GRXCR1: variants seen among roughly 807,000 people sequenced by gnomAD.
The protein encoded by GRXCR1 is glutaredoxin domain-containing cysteine-rich protein 1.
In GRXCR1, 27 loss-of-function variants were observed where a neutral mutation model predicts 27.3. That is an observed-to-expected ratio of 0.99 (90% CI 0.73 to 1.37). The LOEUF (loss-of-function observed/expected upper bound fraction) is 1.37. Among genes scored for constraint, GRXCR1 ranks in the 40% most tolerant of loss-of-function variants. The pLI is 0.00. For synonymous variants in GRXCR1, 122 were observed against 131.1 expected, an observed-to-expected ratio of 0.93 and a Z score of 0.47; for missense variants, 379 against 354.4, an observed-to-expected ratio of 1.07 and a Z score of -0.56.
At chr4:43,006,649 G>T (rs560102959) in intron 2 of GRXCR1, among the ~76,000 whole-genome samples, 1 of 152,170 alleles carries the variant, frequency 6.6e-6, no homozygotes, top group South Asian at 2.1e-4. Flanking sequence ...AATGGTGCCC[G>T]AAACTTCATT....
intron 2 of GRXCR1, among the ~76,000 whole-genome samples, chr4:43,004,529 T>C (rs1712490203): frequency 6.6e-6 from 1 of 152,164 alleles, no homozygotes; most frequent in African/African-American, 2.4e-5. Flanking sequence ...GCCCATGAAA[T>C]CATCTGTGGG....
intron 1 of GRXCR1, among the ~76,000 whole-genome samples, chr4:42,957,578 C>T (rs937018186): frequency 6.6e-6 from 1 of 151,808 alleles, no homozygotes; most frequent in Non-Finnish European, 1.5e-5. Flanking sequence ...TTCTTTGAGG[C>T]TATTTTGTAG....
At chr4:42,972,410 G>A (rs559075603) in intron 2 of GRXCR1, among the ~76,000 whole-genome samples, 21 of 152,218 alleles carry the variant, frequency 1.4e-4, no homozygotes, top group Non-Finnish European at 2.2e-4. Context: ...TTAAAGCCAC[G>A]AAGTGTTTGT....
intron 1 of GRXCR1, among the ~76,000 whole-genome samples, chr4:42,909,733 C>A (rs1458075763): frequency 6.6e-6 from 1 of 152,144 alleles, no homozygotes; most frequent in Non-Finnish European, 1.5e-5. Flanking sequence ...TGTTCATCAT[C>A]CAATTGTAAC....
chr4:43,003,030 C>G (rs1712427193), intron 2 of GRXCR1, among the ~76,000 whole-genome samples: 2 of 152,266 alleles, frequency 1.3e-5, no homozygotes, highest in African/African-American at 4.8e-5. Context: ...GGCATTCCAG[C>G]CCTTCCCCTG....
chr4:42,946,080 G>T (rs984294875), intron 1 of GRXCR1, among the ~76,000 whole-genome samples: 1 of 152,062 alleles, frequency 6.6e-6, no homozygotes, highest in African/African-American at 2.4e-5. Flanking sequence ...CTTTTGGCCT[G>T]GCAATGTAGT....
intron 2 of GRXCR1, among the ~76,000 whole-genome samples, chr4:42,982,055 CTT>C (rs200126018): frequency 6.8e-6 from 1 of 146,104 alleles, no homozygotes. Context: ...CTTTCTCCTT[CTT>C]TTTTTTTTTT....
At position 43,030,158 on chromosome 4, in the gene GRXCR1, T is replaced by G. The variant is rs548922637; in HGVS notation, c.694-203T>G. Among the ~76,000 whole-genome samples, 28 of 152,298 alleles carry G rather than the reference T, an allele frequency of 1.8e-4. No homozygotes were observed. The South Asian group carries it at 5.8e-3, about 32-fold the overall frequency. ...ACCAAGCCTGTGGTATAGATGGCCA[T>G]TGGCGGGGGAATGAAGGAGAATTTC... On this transcript the variant is annotated intron_variant, in intron 3 of 3. Coordinates refer to ENST00000399770, the MANE Select transcript of GRXCR1 (RefSeq NM_001080476.3).
chr4:42,934,735 G>T (rs1747417208), intron 1 of GRXCR1, among the ~76,000 whole-genome samples: 1 of 151,866 alleles, frequency 6.6e-6, no homozygotes, highest in Admixed American at 6.6e-5. Flanking sequence ...GCAATAATAA[G>T]GGCCACATAT....
intron 2 of GRXCR1, among the ~76,000 whole-genome samples, chr4:43,005,154 C>G (rs1485911182): frequency 6.6e-6 from 1 of 152,188 alleles, no homozygotes; most frequent in African/African-American, 2.4e-5. Flanking sequence ...CCCCCTCACT[C>G]TCTTTTTCCT....
intron 2 of GRXCR1, among the ~76,000 whole-genome samples, chr4:43,017,859 A>G (rs531049623): frequency 6.6e-6 from 1 of 152,338 alleles, no homozygotes; most frequent in East Asian, 1.9e-4. Flanking sequence ...TAGATCAAGT[A>G]ATAATTAGAA....
chr4:42,965,797 A>G, intron 2 of GRXCR1, among the ~76,000 whole-genome samples: 1 of 152,046 alleles, frequency 6.6e-6, no homozygotes, highest in Non-Finnish European at 1.5e-5. Flanking sequence ...AAAGTGAGGC[A>G]TCTGGAGGCA....
intron 3 of GRXCR1, among the ~76,000 whole-genome samples, chr4:43,028,065 TCGCACCACTGCACTCCAGC>T (rs1420700869): frequency 2.0e-5 from 3 of 151,214 alleles, no homozygotes; most frequent in Admixed American, 6.6e-5. Flanking sequence ...GCTGCTGAGG[TCGCACCACTGCACTCCAGC>T]CTGGGTAACA....
At chr4:42,989,532 T>C (rs1711896336) in intron 2 of GRXCR1, among the ~76,000 whole-genome samples, 1 of 152,230 alleles carries the variant, frequency 6.6e-6, no homozygotes, top group Non-Finnish European at 1.5e-5. Flanking sequence ...CCATATAATT[T>C]CCATTTAAAT....
intron 1 of GRXCR1, among the ~76,000 whole-genome samples, chr4:42,911,235 T>C (rs1299999519): frequency 6.6e-6 from 1 of 152,184 alleles, no homozygotes; most frequent in African/African-American, 2.4e-5. Flanking sequence ...AAATCCAATC[T>C]AATTTTAGGC....
At chr4:42,932,956 G>T (rs1747364484) in intron 1 of GRXCR1, among the ~76,000 whole-genome samples, 1 of 151,758 alleles carries the variant, frequency 6.6e-6, no homozygotes, top group Admixed American at 6.6e-5. Context: ...AAGGAGGTCA[G>T]TGCAGGGAAT....
intron 2 of GRXCR1, among the ~76,000 whole-genome samples, chr4:43,020,075 T>G (rs1713047404): frequency 6.6e-6 from 1 of 152,104 alleles, no homozygotes; most frequent in Non-Finnish European, 1.5e-5. Context: ...TGCTGGCCCT[T>G]TCTGTATTTG....
chr4:42,980,952 T>C (rs901627346), intron 2 of GRXCR1, among the ~76,000 whole-genome samples: 1 of 150,854 alleles, frequency 6.6e-6, no homozygotes, highest in Non-Finnish European at 1.5e-5. Flanking sequence ...GGATCTTGTT[T>C]TTTTTGTGTT....
At chr4:43,017,536 T>C (rs1400922247) in intron 2 of GRXCR1, among the ~76,000 whole-genome samples, 3 of 152,232 alleles carry the variant, frequency 2.0e-5, no homozygotes, top group African/African-American at 7.2e-5. Context: ...GAAGAGTTCA[T>C]GTTTGTAAAG....
Sources: gnomAD v4.1 joint callset for allele counts (sites outside exome capture counted in the v4.1 genomes callset) on GRCh38, gnomAD v4.1.1 for gene constraint, MANE v1.5 for transcripts, NCBI Gene and HGNC (gene_info 2026-07-23, HGNC 2026-07-21) for gene names.